The following FRRS1 variants were observed in gnomAD, a reference collection of about 807,000 sequenced individuals.
The protein encoded by FRRS1 is ferric chelate reductase 1.
Under a neutral mutation model 70.7 loss-of-function variants are expected in FRRS1, and 51 were observed. The observed-to-expected ratio is 0.72, with a 90% CI of 0.58 to 0.91. The LOEUF (loss-of-function observed/expected upper bound fraction) is 0.91, where lower values mean the gene tolerates loss of function less well. FRRS1 is among the 40% of genes least tolerant of loss of function. The pLI is 0.00. For missense variants in FRRS1, 672 were observed against 726.0 expected, an observed-to-expected ratio of 0.93 and a Z score of 0.86; for synonymous variants, 225 against 238.7, an observed-to-expected ratio of 0.94 and a Z score of 0.53.
chr1:99,706,949 T>C lies in FRRS1; in HGVS notation c.*2079A>G, dbSNP rs1308302418. Among the ~76,000 whole-genome samples the C allele has an allele frequency of 1.3e-5, 2 of 151,972 alleles. No homozygotes were observed. Among genetic ancestry groups the C allele is most frequent in the African/African-American group, 4.8e-5 (2 of 41,360 alleles). The stretch of plus-strand genomic sequence containing the variant: ...GATGTAGAATATAACTTAAGAGAAA[T>C]TTATTAACATTTAAGCTCCTTAGTA... On this transcript the variant is annotated 3_prime_UTR_variant, in exon 17 of 17. Transcript: ENST00000646001.
chr1:99,743,425 A>G (rs2100971983), intron 4 of FRRS1, among the ~76,000 whole-genome samples: 1 of 152,336 alleles, frequency 6.6e-6, no homozygotes, highest in African/African-American at 2.4e-5. Flanking sequence ...ACAATTTGAA[A>G]AAACTCAGAC....
intron 5 of FRRS1, among the ~76,000 whole-genome samples, chr1:99,741,653 C>T (rs1031631885): frequency 7.2e-5 from 11 of 152,216 alleles, no homozygotes; most frequent in African/African-American, 2.4e-4. Flanking sequence ...AGTTGTAATA[C>T]TGCAAAAGAG....
intron 1 of FRRS1, among the ~76,000 whole-genome samples, chr1:99,752,797 A>G (rs1180672861): frequency 2.0e-5 from 3 of 152,108 alleles, no homozygotes; most frequent in East Asian, 3.9e-4. Flanking sequence ...GAAATTTACC[A>G]AAATGTGACA....
intron 7 of FRRS1, among the ~76,000 whole-genome samples, chr1:99,736,088 A>T (rs1465494144): frequency 6.6e-6 from 1 of 152,220 alleles, no homozygotes; most frequent in Non-Finnish European, 1.5e-5. Flanking sequence ...TATCACATTC[A>T]CATGACAGCA....
chr1:99,711,306 G>A (rs1249054976), intron 14 of FRRS1: 1 of 197,254 alleles, frequency 5.1e-6, no homozygotes, highest in Non-Finnish European at 1.0e-5. Context: ...AGTCCCCAGG[G>A]TCTATTGTTT....
At chr1:99,759,267 G>T (rs1657003522) in intron 1 of FRRS1, among the ~76,000 whole-genome samples, 4 of 152,168 alleles carry the variant, frequency 2.6e-5, no homozygotes, top group Admixed American at 2.6e-4. Flanking sequence ...GGGCATCAGG[G>T]TCCTACAGAT....
rs1237560308 is a variant in FRRS1, at chr1:99,711,997, C to A, written c.1480+108G>T. 3 of 711,548 alleles carry A rather than the reference C, an allele frequency of 4.2e-6. No homozygotes were observed. The African/African-American group carries it at 5.4e-5, about 13-fold the overall frequency. The allele number at this position is 711,548 out of a possible 1,614,324, so 44.1% of individuals were successfully genotyped here. On this transcript the variant is annotated intron_variant, in intron 14 of 16. Coordinates refer to ENST00000646001, the MANE Select transcript of FRRS1 (RefSeq NM_001361041.2). ...TTAAGGCTGATTTCTTCTCAACAAC[C>A]AATTACTCCAATTACTAATGCATCT...
chr1:99,709,619 C>A (rs1023860913), intron 15 of FRRS1, among the ~76,000 whole-genome samples: 3 of 152,078 alleles, frequency 2.0e-5, no homozygotes, highest in Admixed American at 2.0e-4. Context: ...ATAGCTAAAT[C>A]AAACTAATTA....
intron 7 of FRRS1, 63 bp downstream of exon 7, chr1:99,738,023 G>A: frequency 7.3e-7 from 1 of 1,370,890 alleles, no homozygotes; most frequent in East Asian, 2.4e-5. Context: ...TTACAGGCAT[G>A]AGCCACCATG....
chr1:99,731,929 G>A (rs1306448691), intron 7 of FRRS1, among the ~76,000 whole-genome samples: 1 of 152,174 alleles, frequency 6.6e-6, no homozygotes, highest in East Asian at 1.9e-4. Flanking sequence ...GCCACCCAAA[G>A]TGATGAGACT....
chr1:99,733,340 G>A (rs1655491147), intron 7 of FRRS1, among the ~76,000 whole-genome samples: 1 of 152,200 alleles, frequency 6.6e-6, no homozygotes, highest in Non-Finnish European at 1.5e-5. Context: ...GTACGTCAAA[G>A]ATAGAATCAG....
chr1:99,744,064 TAAAAAA>T (rs112254806), intron 4 of FRRS1, among the ~76,000 whole-genome samples: 9 of 124,366 alleles, frequency 7.2e-5, no homozygotes, highest in African/African-American at 2.9e-4. Context: ...AGAACGATTG[TAAAAAA>T]AAAAAAAAGA....
Position 99,719,586 on chromosome 1 carries a change from G to A in FRRS1, c.1068C>T (p.Asp356=). 1 of 1,611,864 alleles carries A rather than the reference G, an allele frequency of 6.2e-7. No individual in the cohort carries two copies. The highest frequency in any genetic ancestry group is 8.5e-7 in the Non-Finnish European group (1 of 1,178,148). Residue 356 remains aspartate, a synonymous_variant, in exon 10 of 17, where the codon GAC becomes GAT. Transcript: ENST00000646001. ...LITYEKYDVT[D]SPKNIGGSHS... is the part of the protein sequence containing the mutation. ...GGGATCCTCCTATGTTCTTTGGAGA[G>A]TCTGTCACATCATATTTTTCATAGG...
At chr1:99,741,592 T>G (rs1655964424) in intron 5 of FRRS1, among the ~76,000 whole-genome samples, 1 of 152,214 alleles carries the variant, frequency 6.6e-6, no homozygotes, top group Non-Finnish European at 1.5e-5. Context: ...TTAATTCTAC[T>G]GAGTTTCATA....
At chr1:99,746,735 C>T (rs1025757131) in intron 4 of FRRS1, among the ~76,000 whole-genome samples, 2 of 152,184 alleles carry the variant, frequency 1.3e-5, no homozygotes, top group East Asian at 1.9e-4. Context: ...CCTTCTTCTA[C>T]GACATGGACC....
chr1:99,723,491 G>A (rs1654937105), intron 9 of FRRS1, among the ~76,000 whole-genome samples: 1 of 152,082 alleles, frequency 6.6e-6, no homozygotes, highest in Non-Finnish European at 1.5e-5. Flanking sequence ...ACTCCAGCCT[G>A]GGCAACAGAG....
At chr1:99,756,446 A>G (rs1247078850) in intron 1 of FRRS1, among the ~76,000 whole-genome samples, 1 of 105,788 alleles carries the variant, frequency 9.5e-6, no homozygotes, top group Non-Finnish European at 1.7e-5. Context: ...ATAAAACCTC[A>G]AAGCAAGTAT....
chr1:99,748,613 G>GTGAATGTCATCTGACTCACC lies in FRRS1; in HGVS notation c.155_156insGGTGAGTCAGATGACATTCA (p.Tyr52Ter), dbSNP rs1557704028. ...CTGGCCTGAATGTCATCTGACTCAC[G>GTGAATGTCATCTGACTCACC]TAAATGTCATGAACAGGAACAGACT... On this transcript the variant is annotated stop_gained and frameshift_variant, in exon 3 of 17. Transcript: ENST00000646001. LOFTEE classifies it high-confidence loss of function. 6 of 1,613,824 alleles carry GTGAATGTCATCTGACTCACC rather than the reference G, an allele frequency of 3.7e-6. No individual in the cohort carries two copies. The South Asian group carries it at 6.6e-5, about 18-fold the overall frequency.
At chr1:99,752,845 G>T (rs1656638800) in intron 1 of FRRS1, among the ~76,000 whole-genome samples, 1 of 152,144 alleles carries the variant, frequency 6.6e-6, no homozygotes, top group Non-Finnish European at 1.5e-5. Flanking sequence ...TGGAAAAATG[G>T]TGCCAACAGA....
Sources: gnomAD v4.1 joint callset for allele counts (sites outside exome capture counted in the v4.1 genomes callset) on GRCh38, gnomAD v4.1.1 for gene constraint, MANE v1.5 for transcripts, NCBI Gene and HGNC (gene_info 2026-07-23, HGNC 2026-07-21) for gene names.